The following ITGA11 variants were observed in gnomAD, a reference collection of about 807,000 sequenced individuals.
ITGA11 encodes integrin subunit alpha 11, also known as integrin alpha-11.
In ITGA11, 97 loss-of-function variants were observed where a neutral mutation model predicts 141.9. That is an observed-to-expected ratio of 0.68 (90% CI 0.58 to 0.81). ITGA11 has a LOEUF of 0.81. Among genes scored for constraint, ITGA11 ranks in the 30% least tolerant of loss-of-function variants. The probability of loss-of-function intolerance (pLI) is 0.00; values close to 1 mark genes in which losing one functional copy is unlikely to be tolerated. For synonymous variants in ITGA11, 658 were observed against 624.6 expected (o/e 1.05, Z -0.80); for missense variants, 1,387 against 1,559.2 (o/e 0.89, Z 1.86).
chr15:68,302,904 TG>T lies in ITGA11; in HGVS notation c.*154del. The T allele has an allele frequency of 1.6e-6, 1 of 615,562 alleles. No homozygotes were observed. The highest frequency in any genetic ancestry group is 2.8e-5 in the East Asian group (1 of 35,976). 38.1% of individuals were successfully genotyped at this position (615,562 alleles called of 1,614,324 possible). A position where few individuals can be genotyped will look rare whatever the true frequency, so the allele number is the denominator to read the frequency against. On this transcript the variant is annotated 3_prime_UTR_variant, in exon 30 of 30. Transcript: ENST00000315757. ...CTTAAAACCAGCTTGAGTTCCATTCTGGAGGGAGCAGGCGCCATTGCTCGGG... is the reference window on the plus strand; with the variant it reads ...CTTAAAACCAGCTTGAGTTCCATTCTGAGGGAGCAGGCGCCATTGCTCGGG...
In ITGA11 at chr15:68,321,920, C is replaced by T. The variant is rs146590499; in HGVS notation, c.2323-417G>A. 4.4e-3 allele frequency among the ~76,000 whole-genome samples: 670 copies of T among 152,214 alleles called. 4 individuals are homozygous for T. Among genetic ancestry groups the T allele is most frequent in the African/African-American group, 0.015 (638 of 41,526 alleles). Reference sequence around the variant, plus strand: ...ACTAGTGTAAAATGTGCAAAAAAACCGAAAAGAAATGTGCATGAGGAATAG... The same window carrying T: ...ACTAGTGTAAAATGTGCAAAAAAACTGAAAAGAAATGTGCATGAGGAATAG... On this transcript the variant is annotated intron_variant, in intron 18 of 29. Coordinates refer to ENST00000315757, the MANE Select transcript of ITGA11 (RefSeq NM_001004439.2). This position sits in a 1 kb window ranked among gnomAD's most constrained non-coding sequence, Gnocchi z 4.9.
At chr15:68,361,508 C>G (rs1463082120) in intron 5 of ITGA11, 82 bp downstream of exon 5, 1 of 887,796 alleles carries the variant, frequency 1.1e-6, no homozygotes, top group Non-Finnish European at 1.8e-6. Flanking sequence ...TGCTTTCTAG[C>G]CACAGGTTGT....
intron 16 of ITGA11, among the ~76,000 whole-genome samples, chr15:68,327,878 G>C (rs1351348270): frequency 6.6e-6 from 1 of 152,118 alleles, no homozygotes; most frequent in Non-Finnish European, 1.5e-5. Flanking sequence ...TCCCTGTCAT[G>C]ATCACCCCTG....
At chr15:68,332,863 GT>G (rs68124020) in intron 12 of ITGA11, among the ~76,000 whole-genome samples, 15,692 of 152,056 alleles carry the variant, frequency 0.1, 1,895 homozygotes, top group African/African-American at 0.29. Context: ...TTTTATTCTA[GT>G]TTTTTTCCCC....
At position 68,320,945 on chromosome 15, in the gene ITGA11, A is replaced by T. The variant is rs573844237; in HGVS notation, c.2408+473T>A. On this transcript the variant is annotated intron_variant, in intron 19 of 29. Coordinates refer to ENST00000315757, the MANE Select transcript of ITGA11 (RefSeq NM_001004439.2). ...GATATTGTTCATTATTTTCCCTTGT[A>T]TGTTCGTTTGTCTCTTCCAGGGGAT... 4.7e-4 allele frequency among the ~76,000 whole-genome samples: 72 copies of T among 152,244 alleles called. 1 individual carries two copies. The highest frequency in any genetic ancestry group is 4.4e-3 in the Admixed American group (68 of 15,298).
intron 11 of ITGA11, among the ~76,000 whole-genome samples, chr15:68,337,222 G>A (rs1894389362): frequency 6.6e-6 from 1 of 152,164 alleles, no homozygotes; most frequent in Admixed American, 6.5e-5. Context: ...AGCATTCAAA[G>A]TTCACAGAGC....
At chr15:68,418,519 G>A (rs1367072523) in intron 1 of ITGA11, among the ~76,000 whole-genome samples, 1 of 152,116 alleles carries the variant, frequency 6.6e-6, no homozygotes, top group Non-Finnish European at 1.5e-5. Flanking sequence ...TCCCTGTGTA[G>A]GATTTTTAAA....
At chr15:68,370,336 C>T (rs149023441) in intron 2 of ITGA11, among the ~76,000 whole-genome samples, 1 of 152,190 alleles carries the variant, frequency 6.6e-6, no homozygotes, top group African/African-American at 2.4e-5. Flanking sequence ...GAAAAGCCTG[C>T]GACCCTGGAG....
intron 2 of ITGA11, among the ~76,000 whole-genome samples, chr15:68,402,209 A>T (rs192360936): frequency 6.6e-6 from 1 of 152,176 alleles, no homozygotes; most frequent in Admixed American, 6.5e-5. Flanking sequence ...CCCAGGAAGG[A>T]TAGCCTTCTG....
At chr15:68,337,954 G>C (rs1462414231) in intron 11 of ITGA11, among the ~76,000 whole-genome samples, 1 of 151,896 alleles carries the variant, frequency 6.6e-6, no homozygotes, top group Non-Finnish European at 1.5e-5. Context: ...CCTGGTGTAG[G>C]CTCCAGCTCC....
chr15:68,360,478 C>T (rs1236944078), intron 5 of ITGA11, among the ~76,000 whole-genome samples: 1 of 152,156 alleles, frequency 6.6e-6, no homozygotes, highest in Non-Finnish European at 1.5e-5. Flanking sequence ...AAAACACACA[C>T]ACTCACACGC....
Position 68,396,841 on chromosome 15 carries a change from T to C in ITGA11, c.164+6077A>G, listed in dbSNP as rs1048383618. ...GTATAAAATATAAATATATAATATG[T>C]AATAGTATAAAATATAAACACAAAT... On this transcript the variant is annotated intron_variant, in intron 2 of 29. Coordinates refer to ENST00000315757, the MANE Select transcript of ITGA11 (RefSeq NM_001004439.2). Among the ~76,000 whole-genome samples the C allele has an allele frequency of 1.6e-4, 23 of 139,688 alleles. No individual in the cohort carries two copies. The East Asian group carries it at 4.2e-3, about 26-fold the overall frequency. The allele number at this position is 139,688 out of a possible 152,430, so 91.6% of individuals were successfully genotyped here. A position where few individuals can be genotyped will look rare whatever the true frequency, so the allele number is the denominator to read the frequency against.
At chr15:68,373,405 G>C (rs954072172) in intron 2 of ITGA11, among the ~76,000 whole-genome samples, 1 of 152,224 alleles carries the variant, frequency 6.6e-6, no homozygotes, top group African/African-American at 2.4e-5. Flanking sequence ...TCAGGCCTAA[G>C]AGAAGCCCCT....
chr15:68,401,498 G>A (rs1896509373), intron 2 of ITGA11, among the ~76,000 whole-genome samples: 1 of 152,198 alleles, frequency 6.6e-6, no homozygotes, highest in African/African-American at 2.4e-5. Context: ...CATTGTTGTA[G>A]ATTAATACAA....
At chr15:68,317,496 G>T in intron 20 of ITGA11, 133 bp from the exon 21 acceptor site, 1 of 667,350 alleles carries the variant, frequency 1.5e-6, no homozygotes, top group Non-Finnish European at 2.7e-6. Context: ...ATGAAAGCCT[G>T]GACCACAGCC....
At chr15:68,364,905 C>A (rs976041129) in intron 3 of ITGA11, 107 bp from the exon 4 acceptor site, 35 of 1,084,996 alleles carry the variant, frequency 3.2e-5, no homozygotes, top group Middle Eastern at 2.7e-4. Context: ...TCTCCCTGAC[C>A]CTGGGGACCT....
chr15:68,343,823 C>T (rs1157005845), intron 10 of ITGA11, among the ~76,000 whole-genome samples: 1 of 152,074 alleles, frequency 6.6e-6, no homozygotes, highest in Non-Finnish European at 1.5e-5. Context: ...TTTCAACAAG[C>T]TTGAAGTGGA....
Position 68,325,849 on chromosome 15 carries a change from T to A in ITGA11, c.2212-608A>T, listed in dbSNP as rs2140295608. The stretch of plus-strand genomic sequence containing the variant: ...TCCCCTTGGAACCTGCAATCCCTGA[T>A]TATATAAAGGCAGTGGCTGTCAAAC... On this transcript the variant is annotated intron_variant, in intron 17 of 29. Transcript: ENST00000315757. This position sits in a 1 kb window ranked among gnomAD's most constrained non-coding sequence, Gnocchi z 5.5. 6.6e-6 allele frequency among the ~76,000 whole-genome samples: 1 copy of A among 152,298 alleles called. No individual in the cohort carries two copies. Among genetic ancestry groups the A allele is most frequent in the South Asian group, 2.1e-4 (1 of 4,828 alleles).
chr15:68,388,947 C>A (rs1438741406), intron 2 of ITGA11, among the ~76,000 whole-genome samples: 1 of 152,186 alleles, frequency 6.6e-6, no homozygotes, highest in East Asian at 1.9e-4. Flanking sequence ...GGCCTTACTT[C>A]TCTGCTTTTT....
Sources: gnomAD v4.1 joint callset for allele counts (sites outside exome capture counted in the v4.1 genomes callset) on GRCh38, gnomAD v4.1.1 for gene constraint, Gnocchi (gnomAD v3.1) non-coding constraint, MANE v1.5 for transcripts, NCBI Gene and HGNC (gene_info 2026-07-23, HGNC 2026-07-21) for gene names.